The following MYOM3 variants were observed in gnomAD, a reference collection of about 807,000 sequenced individuals.
MYOM3 encodes myomesin-3.
MYOM3 carries 155 observed loss-of-function variants against 191.7 expected under a neutral mutation model. The observed-to-expected ratio is 0.81, with a 90% CI of 0.71 to 0.92. MYOM3 has a LOEUF of 0.92. MYOM3 is among the 40% of genes least tolerant of loss of function. The pLI is 0.00. For synonymous variants in MYOM3, 757 were observed against 762.9 expected (o/e 0.99, Z 0.13); for missense variants, 1,889 against 1,890.6 (o/e 1.00, Z 0.02).
At chr1:24,082,793 GA>G in intron 16 of MYOM3, 79 bp from the exon 17 acceptor site, 1 of 1,468,336 alleles carries the variant, frequency 6.8e-7, no homozygotes, top group Non-Finnish European at 9.1e-7. Context: ...CAACTTTGTG[GA>G]ATAAGTGGTC....
At chr1:24,084,426 A>G (rs1312206282) in intron 16 of MYOM3, 42 bp downstream of exon 16, 27 of 1,600,852 alleles carry the variant, frequency 1.7e-5, no homozygotes, top group Non-Finnish European at 2.3e-5. Context: ...GTATGTCTTT[A>G]TAGCAGTGTG....
intron 20 of MYOM3, among the ~76,000 whole-genome samples, chr1:24,078,167 T>G (rs1298836707): frequency 2.0e-5 from 3 of 149,888 alleles, no homozygotes; most frequent in African/African-American, 7.4e-5. Flanking sequence ...TGGCAGGGAG[T>G]GCAGTGGTGC....
chr1:24,081,437 C>T lies in MYOM3; in HGVS notation c.2300G>A (p.Gly767Asp), dbSNP rs1036051737. ...RVCKVSDLHE[G>D]HFYEFRARAA... ...CCGGGCACGGAACTCATAGAAGTGG[C>T]CTTCATGAAGGTCACTGACCTTTAA... The change falls in exon 19 of 37, where the codon GGC becomes GAC. Residue 767 changes from glycine to aspartate, a missense_variant. Coordinates refer to ENST00000374434, the MANE Select transcript of MYOM3 (RefSeq NM_152372.4). 1.9e-6 allele frequency: 3 copies of T among 1,614,068 alleles called. No homozygotes were observed. The highest frequency in any genetic ancestry group is 2.5e-6 in the Non-Finnish European group (3 of 1,180,010).
rs779574575 is a variant in MYOM3 at position 24,092,175 on chromosome 1, G to A, written c.1231C>T (p.Arg411Trp). The stretch of plus-strand genomic sequence containing the variant: ...CTGCCACTCACGAGGTCGACTCACC[G>A]CTCAATGGTGTAGGCAGTGATGGGG... ...GNPITAYTIE[R>W]CQGESGEWIA... Residue 411 changes from arginine to tryptophan, a missense_variant and splice_region_variant, in exon 11 of 37, where the codon CGG becomes TGG. Physicochemically the swap from Arg to Trp is moderately radical, Grantham distance 101. Transcript: ENST00000374434. 6 of 1,457,882 alleles carry A rather than the reference G, an allele frequency of 4.1e-6. No individual in the cohort carries two copies. Among genetic ancestry groups the A allele is most frequent in the African/African-American group, 1.5e-5 (1 of 68,298 alleles). 90.3% of individuals were successfully genotyped at this position (1,457,882 alleles called of 1,614,324 possible).
rs1181673165 is a variant in MYOM3, at chr1:24,071,334, C to A, written c.3014-81G>T. On this transcript the variant is annotated intron_variant, in intron 24 of 36. Transcript: ENST00000374434. ...CCCTTCCAGCCCCACCTTGAGCACA[C>A]CCTTGGCATCTGACATGCAAAACCT... The A allele has an allele frequency of 4.7e-6, 7 of 1,489,036 alleles. No individual in the cohort carries two copies. The African/African-American group carries it at 9.8e-5, about 21-fold the overall frequency. The allele number at this position is 1,489,036 out of a possible 1,614,324, so 92.2% of individuals were successfully genotyped here.
chr1:24,070,695 C>A (rs1229980216), intron 25 of MYOM3, among the ~76,000 whole-genome samples: 1 of 152,050 alleles, frequency 6.6e-6, no homozygotes, highest in Non-Finnish European at 1.5e-5. Flanking sequence ...CATAGTGAGT[C>A]CCCATCTCTA....
intron 20 of MYOM3, among the ~76,000 whole-genome samples, chr1:24,079,003 C>T (rs1643635553): frequency 1.3e-5 from 2 of 152,086 alleles, no homozygotes; most frequent in South Asian, 4.2e-4. Flanking sequence ...TCTCATTTAG[C>T]CAAAGACTCT....
chr1:24,081,454 G>T lies in MYOM3; in HGVS notation c.2283C>A (p.Val761=). The T allele has an allele frequency of 6.2e-7, 1 of 1,613,760 alleles. No homozygotes were observed. The highest frequency in any genetic ancestry group is 1.1e-5 in the South Asian group (1 of 90,988). ...AGAAGTGGCCTTCATGAAGGTCACT[G>T]ACCTTTAAGAGCAGAAACACAAACT... ...QQPIPTRVCK[V]SDLHEGHFYE... The change falls in exon 19 of 37, where the codon GTC becomes GTA. Residue 761 remains valine (V), a splice_region_variant and synonymous_variant. Coordinates refer to ENST00000374434, the MANE Select transcript of MYOM3 (RefSeq NM_152372.4).
chr1:24,102,911 C>T (rs764296176), intron 5 of MYOM3, among the ~76,000 whole-genome samples: 2 of 152,162 alleles, frequency 1.3e-5, no homozygotes, highest in Non-Finnish European at 2.9e-5. Flanking sequence ...AATATTCCTC[C>T]AGCCCTGGGG....
chr1:24,094,397 C>T (rs1261061632), intron 9 of MYOM3, among the ~76,000 whole-genome samples: 1 of 152,016 alleles, frequency 6.6e-6, no homozygotes, highest in Non-Finnish European at 1.5e-5. Flanking sequence ...GAACTCTTGA[C>T]CTCAGGTGAT....
At chr1:24,108,752 G>A (rs956718207) in intron 1 of MYOM3, 98 bp from the exon 2 acceptor site, 6 of 887,144 alleles carry the variant, frequency 6.8e-6, no homozygotes, top group Non-Finnish European at 1.0e-5. Context: ...AGGATGGGGG[G>A]TGGGGGTGTC....
At chr1:24,071,757 C>A (rs1435436115) in intron 24 of MYOM3, among the ~76,000 whole-genome samples, 1 of 152,148 alleles carries the variant, frequency 6.6e-6, no homozygotes, top group Non-Finnish European at 1.5e-5. Context: ...AGGAAAACAC[C>A]CACATTTCCC....
At chr1:24,100,796 A>C (rs540959299) in intron 5 of MYOM3, among the ~76,000 whole-genome samples, 1 of 152,128 alleles carries the variant, frequency 6.6e-6, no homozygotes, top group South Asian at 2.1e-4. Context: ...TTGAGGCAGC[A>C]GAATGACATG....
In MYOM3 at chr1:24,063,046, G is replaced by C; in HGVS notation, c.3770+80C>G. 1.1e-6 allele frequency: 1 copy of C among 901,790 alleles called. No homozygotes were observed. Among genetic ancestry groups the C allele is most frequent in the South Asian group, 1.4e-5 (1 of 72,432 alleles). The allele number at this position is 901,790 out of a possible 1,614,324, so 55.9% of individuals were successfully genotyped here. The stretch of plus-strand genomic sequence containing the variant: ...AACTCTGCTTGGAGGACCAGGCAGG[G>C]AGAAGGGAGGGAGGCCCCCATGGGT... On this transcript the variant is annotated intron_variant, in intron 32 of 36. Coordinates refer to ENST00000374434, the MANE Select transcript of MYOM3 (RefSeq NM_152372.4). The surrounding 1 kb of genome is among the most constrained non-coding windows in gnomAD (Gnocchi z 4.5).
intron 33 of MYOM3, 51 bp from the exon 34 acceptor site, chr1:24,061,360 A>T (rs749741905): frequency 1.1e-5 from 18 of 1,582,572 alleles, no homozygotes; most frequent in African/African-American, 2.7e-5. Context: ...CTGCTGTCTG[A>T]TGATGGGGAC....
Position 24,057,465 on chromosome 1 carries a change from A to T in MYOM3, c.4213T>A (p.Tyr1405Asn). Residue 1405 changes from tyrosine (Y) to asparagine (N), a missense_variant, in exon 37 of 37, where the codon TAC becomes AAC. Transcript: ENST00000374434. ...EKVNSEDSGRYGVFVKNKYGS... is the reference protein window; with the variant it reads ...EKVNSEDSGRNGVFVKNKYGS... ...TACTTGTTCTTGACGAAGACGCCGT[A>T]GCGGCCGCTGTCTTCACTGTTGACC... 6.2e-7 allele frequency: 1 copy of T among 1,614,198 alleles called. No homozygotes were observed. Among genetic ancestry groups the T allele is most frequent in the Non-Finnish European group, 8.5e-7 (1 of 1,180,032 alleles).
intron 12 of MYOM3, among the ~76,000 whole-genome samples, 185 bp downstream of exon 12, chr1:24,090,612 T>C (rs544588558): frequency 7.2e-5 from 11 of 152,094 alleles, no homozygotes; most frequent in Non-Finnish European, 1.5e-4. Context: ...GTCTCCTCCA[T>C]CAGACTGGAA....
chr1:24,057,537 A>G lies in MYOM3; in HGVS notation c.4141T>C (p.Tyr1381His), dbSNP rs781480002. The G allele has an allele frequency of 8.9e-5, 143 of 1,614,050 alleles. No homozygotes were observed. The highest frequency in any genetic ancestry group is 1.1e-4 in the Non-Finnish European group (127 of 1,180,016). Reference sequence around the variant, plus strand: ...TCTGTCCCCCTCACTTCCATGCGGTATCGGTCAAGGAAGGTGACAGGCTGG... The same window carrying G: ...TCTGTCCCCCTCACTTCCATGCGGTGTCGGTCAAGGAAGGTGACAGGCTGG... The part of the protein sequence containing the change: ...NDQPVTFLDR[Y>H]RMEVRGTEVT... The change falls in exon 37 of 37, where the codon TAC (tyrosine) becomes CAC (histidine). Residue 1381 changes from tyrosine to histidine, a missense_variant. Transcript: ENST00000374434.
At position 24,071,188 on chromosome 1, in the gene MYOM3, C is replaced by G. The variant is rs767362266; in HGVS notation, c.3079G>C (p.Glu1027Gln). The change falls in exon 25 of 37, where the codon GAA (glutamate) becomes CAA (glutamine). Residue 1027 changes from glutamate (E) to glutamine (Q), a missense_variant. Coordinates refer to ENST00000374434, the MANE Select transcript of MYOM3 (RefSeq NM_152372.4). ...GCGGCTGGAGATAACTTTTCTACTT[C>G]CAGCCAAAGCCGCACCTCCCCTCGC... Reference protein sequence around the residue: ...LERGEVRLWLEVEKLSPAAEL... With the variant: ...LERGEVRLWLQVEKLSPAAEL... 5 of 1,614,000 alleles carry G rather than the reference C, an allele frequency of 3.1e-6. No homozygotes were observed. The highest frequency in any genetic ancestry group is 1.6e-4 in the Middle Eastern group (1 of 6,074).
Sources: allele counts gnomAD v4.1 joint callset (sites outside exome capture counted in the v4.1 genomes callset), GRCh38; gene constraint gnomAD v4.1.1; non-coding constraint Gnocchi (gnomAD v3.1); transcripts MANE v1.5; gene names NCBI Gene and HGNC (gene_info 2026-07-23, HGNC 2026-07-21).